Variants in TASP1 observed in about 807,000 individuals in gnomAD.
The protein encoded by TASP1 is threonine aspartase 1.
A neutral mutation model predicts 56.6 loss-of-function variants in TASP1; 16 were observed. That is an observed-to-expected ratio of 0.28 (90% CI 0.19 to 0.43). TASP1 has a LOEUF of 0.43. Ranked by LOEUF, TASP1 falls within the 20% of genes least tolerant of loss-of-function variation. The pLI, the probability that TASP1 is intolerant of heterozygous loss-of-function variation, is 1.00. For missense variants in TASP1, 393 were observed against 511.6 expected (o/e 0.77, Z 2.24); for synonymous variants, 179 against 184.2 (o/e 0.97, Z 0.23).
chr20:13,501,952 G>A (rs1434083311), intron 10 of TASP1, among the ~76,000 whole-genome samples: 1 of 151,894 alleles, frequency 6.6e-6, no homozygotes, highest in African/African-American at 2.4e-5. Context: ...TGATAAAAGT[G>A]TCAATTATGA....
the TASP1 span, chr20:13,298,877 C>T: frequency 2.6e-6 from 4 of 1,544,130 alleles, no homozygotes; most frequent in Non-Finnish European, 3.5e-6. Flanking sequence ...TCACATGCTC[C>T]TTGAAGCACC....
intron 9 of TASP1, among the ~76,000 whole-genome samples, chr20:13,530,052 A>T (rs931361770): frequency 2.0e-5 from 3 of 152,146 alleles, no homozygotes; most frequent in Middle Eastern, 3.2e-3. Flanking sequence ...CCAATTTTTT[A>T]AAAACAGCTA....
chr20:13,230,247 G>A, the TASP1 span, among the ~76,000 whole-genome samples: 34,024 of 151,896 alleles, frequency 0.22, 3,804 homozygotes, highest in South Asian at 0.29. Flanking sequence ...CCTCTGATAT[G>A]CCCATTAAAT....
chr20:13,544,884 T>C (rs956230942), intron 8 of TASP1, among the ~76,000 whole-genome samples: 12 of 152,192 alleles, frequency 7.9e-5, no homozygotes, highest in Admixed American at 4.6e-4. Context: ...GAAGGTAACA[T>C]GGACAATCTG....
At chr20:13,474,366 A>G (rs1600917395) in intron 11 of TASP1, among the ~76,000 whole-genome samples, 1 of 152,290 alleles carries the variant, frequency 6.6e-6, no homozygotes, top group Non-Finnish European at 1.5e-5. Flanking sequence ...ACTCCCACTT[A>G]TAAGTGAGAA....
chr20:13,280,679 C>T, the TASP1 span, among the ~76,000 whole-genome samples: 1 of 152,162 alleles, frequency 6.6e-6, no homozygotes, highest in Non-Finnish European at 1.5e-5. Flanking sequence ...AGAAGGAACA[C>T]ACACTCGTAA....
chr20:13,555,390 A>AT (rs1398497198), intron 8 of TASP1, among the ~76,000 whole-genome samples: 7 of 151,324 alleles, frequency 4.6e-5, no homozygotes, highest in African/African-American at 1.5e-4. Context: ...TCTAAAAAAA[A>AT]AAAAAAAAAA....
At chr20:13,224,705 CATTCTT>C in the TASP1 span, among the ~76,000 whole-genome samples, 1 of 152,120 alleles carries the variant, frequency 6.6e-6, no homozygotes, top group Non-Finnish European at 1.5e-5. Context: ...AAAAGGGACA[CATTCTT>C]ATTTAAGGAT....
At chr20:13,508,324 GA>G (rs1015868318) in intron 10 of TASP1, among the ~76,000 whole-genome samples, 1 of 151,892 alleles carries the variant, frequency 6.6e-6, no homozygotes, top group African/African-American at 2.4e-5. Flanking sequence ...CATTGAATGG[GA>G]AAAAATATTT....
the TASP1 span, among the ~76,000 whole-genome samples, chr20:13,106,167 T>C: frequency 1.3e-5 from 2 of 152,234 alleles, no homozygotes; most frequent in African/African-American, 4.8e-5. Context: ...AGGAGATATT[T>C]ATCTTTTCTA....
chr20:13,263,705 G>T, the TASP1 span, among the ~76,000 whole-genome samples: 3 of 152,192 alleles, frequency 2.0e-5, no homozygotes, highest in Admixed American at 2.0e-4. Flanking sequence ...AATGTGGAAG[G>T]CGCACAGCCA....
chr20:13,607,777 G>A (rs982608573), intron 4 of TASP1, among the ~76,000 whole-genome samples: 1 of 152,146 alleles, frequency 6.6e-6, no homozygotes, highest in African/African-American at 2.4e-5. Flanking sequence ...GACCAGCCCG[G>A]CCAACATGAT....
At chr20:13,571,641 C>T (rs539410939) in intron 6 of TASP1, among the ~76,000 whole-genome samples, 1 of 152,148 alleles carries the variant, frequency 6.6e-6, no homozygotes, top group East Asian at 1.9e-4. Context: ...ATTCTCAATA[C>T]ACCAGCCACT....
chr20:13,333,072 C>T, the TASP1 span, among the ~76,000 whole-genome samples: 3 of 152,250 alleles, frequency 2.0e-5, no homozygotes, highest in Non-Finnish European at 2.9e-5. Flanking sequence ...TCAGACTTCA[C>T]TTACACAATA....
intron 8 of TASP1, among the ~76,000 whole-genome samples, chr20:13,550,243 T>A (rs1321377340): frequency 6.6e-6 from 1 of 151,772 alleles, no homozygotes; most frequent in Non-Finnish European, 1.5e-5. Context: ...CAGATATTGA[T>A]GATTGGCATA....
the TASP1 span, among the ~76,000 whole-genome samples, chr20:13,211,345 C>T: frequency 6.6e-6 from 1 of 152,098 alleles, no homozygotes; most frequent in East Asian, 1.9e-4. Context: ...ATCATCATAA[C>T]CTCAATTAAG....
the TASP1 span, among the ~76,000 whole-genome samples, chr20:13,329,777 T>C: frequency 6.6e-6 from 1 of 152,110 alleles, no homozygotes; most frequent in African/African-American, 2.4e-5. Context: ...TTTTTGCAAT[T>C]ACAACAGTTA....
chr20:13,108,160 A>G, the TASP1 span, among the ~76,000 whole-genome samples: 1 of 152,194 alleles, frequency 6.6e-6, no homozygotes, highest in Non-Finnish European at 1.5e-5. Flanking sequence ...AGGTTCTGAT[A>G]TTGCACTATC....
the TASP1 span, among the ~76,000 whole-genome samples, chr20:13,338,521 G>C: frequency 6.6e-6 from 1 of 152,166 alleles, no homozygotes; most frequent in Non-Finnish European, 1.5e-5. Context: ...CCCTGTTCAA[G>C]ATGGACTTGC....
Sources: allele counts gnomAD v4.1 joint callset (sites outside exome capture counted in the v4.1 genomes callset), GRCh38; gene constraint gnomAD v4.1.1; transcripts MANE v1.5; gene names NCBI Gene and HGNC (gene_info 2026-07-23, HGNC 2026-07-21).